Variants in GMDS observed in about 807,000 individuals in gnomAD.
GMDS encodes the protein GDP-mannose 4,6-dehydratase.
A neutral mutation model predicts 49.9 loss-of-function variants in GMDS; 20 were observed. The observed-to-expected ratio is 0.40, with a 90% confidence interval of 0.28 to 0.58. GMDS has a LOEUF of 0.58. Ranked by LOEUF, GMDS falls within the 20% of genes least tolerant of loss-of-function variation. The pLI is 0.42. For missense variants in GMDS, 362 were observed against 481.4 expected, an observed-to-expected ratio of 0.75 and a Z score of 2.32; for synonymous variants, 177 against 178.6, an observed-to-expected ratio of 0.99 and a Z score of 0.07.
intron 1 of GMDS, among the ~76,000 whole-genome samples, chr6:2,181,240 G>GTA (rs1173779187): frequency 1.3e-5 from 2 of 150,596 alleles, no homozygotes; most frequent in East Asian, 3.9e-4. Flanking sequence ...CATTAAAAAG[G>GTA]TACACAGCAG....
At chr6:1,782,025 G>A (rs1408349191) in intron 7 of GMDS, among the ~76,000 whole-genome samples, 2 of 152,180 alleles carry the variant, frequency 1.3e-5, no homozygotes, top group Non-Finnish European at 2.9e-5. Flanking sequence ...GGATCAAAAG[G>A]ATCTGAGAGT....
At chr6:1,917,498 T>C (rs1361681060) in intron 7 of GMDS, among the ~76,000 whole-genome samples, 2 of 152,248 alleles carry the variant, frequency 1.3e-5, no homozygotes. Flanking sequence ...ACTACAGGAA[T>C]AGAATAGGAC....
At chr6:1,630,217 T>G (rs1762957529) in intron 9 of GMDS, among the ~76,000 whole-genome samples, 2 of 152,212 alleles carry the variant, frequency 1.3e-5, no homozygotes, top group African/African-American at 4.8e-5. Flanking sequence ...TAAACAAAGT[T>G]TTAAAACATA....
intron 4 of GMDS, among the ~76,000 whole-genome samples, chr6:1,990,561 C>T (rs1561952227): frequency 6.6e-6 from 1 of 152,108 alleles, no homozygotes; most frequent in Non-Finnish European, 1.5e-5. Flanking sequence ...ATGTCAACCC[C>T]TTATCAATTG....
intron 9 of GMDS, among the ~76,000 whole-genome samples, chr6:1,687,783 G>C (rs1369893018): frequency 6.6e-6 from 1 of 152,000 alleles, no homozygotes; most frequent in Admixed American, 6.6e-5. Flanking sequence ...GGAGGAGCAG[G>C]TGTCAGTGCC....
At chr6:1,970,721 C>T (rs1299145838) in intron 4 of GMDS, among the ~76,000 whole-genome samples, 1 of 151,986 alleles carries the variant, frequency 6.6e-6, no homozygotes, top group African/African-American at 2.4e-5. Context: ...GATAGAGATC[C>T]AAAGGAGGGA....
chr6:1,909,423 C>CCTAT (rs1160823219), intron 7 of GMDS, among the ~76,000 whole-genome samples: 2 of 152,202 alleles, frequency 1.3e-5, no homozygotes, highest in Non-Finnish European at 2.9e-5. Flanking sequence ...TTTGGTTAAT[C>CCTAT]CTATGTCAAC....
At chr6:2,007,563 CTTTTTTT>C (rs147231232) in intron 4 of GMDS, among the ~76,000 whole-genome samples, 3 of 148,252 alleles carry the variant, frequency 2.0e-5, no homozygotes, top group African/African-American at 7.4e-5. Flanking sequence ...TTTCTTTTTT[CTTTTTTT>C]TTTAGTTTAT....
At chr6:2,199,101 T>A (rs234947) in intron 1 of GMDS, among the ~76,000 whole-genome samples, 6,282 of 152,336 alleles carry the variant, frequency 0.041, 263 homozygotes, top group South Asian at 0.13. Flanking sequence ...TAATTCATAT[T>A]AAAAACTTCA....
chr6:1,962,183 G>A (rs1763984006), intron 4 of GMDS, among the ~76,000 whole-genome samples: 2 of 152,218 alleles, frequency 1.3e-5, no homozygotes, highest in South Asian at 4.1e-4. Flanking sequence ...TCTAAGCCCA[G>A]AACATTTTCA....
chr6:1,948,740 C>T (rs1763202468), intron 6 of GMDS, among the ~76,000 whole-genome samples: 1 of 152,188 alleles, frequency 6.6e-6, no homozygotes, highest in South Asian at 2.1e-4. Context: ...ATCCATAAGC[C>T]TTTCATTCAT....
At chr6:2,221,756 A>G (rs1048323837) in intron 1 of GMDS, among the ~76,000 whole-genome samples, 5 of 152,228 alleles carry the variant, frequency 3.3e-5, no homozygotes, top group Non-Finnish European at 5.9e-5. Flanking sequence ...TAATGAGAAT[A>G]TCATATTCAC....
chr6:1,654,107 TAA>T (rs773600235), intron 9 of GMDS, among the ~76,000 whole-genome samples: 39 of 152,220 alleles, frequency 2.6e-4, no homozygotes, highest in Non-Finnish European at 3.4e-4. Flanking sequence ...CAGAAAATAA[TAA>T]GTATTGGGGA....
rs574008504 is a variant in GMDS at position 1,970,411 on chromosome 6, T to TCCCCCG, written c.346-9451_346-9446dup. ...GCAGCTGGGGCCAGATGCAGATCTT[T>TCCCCCG]CCCCCGCCCCCGCCCCGCTCCAGAG... is the stretch of plus-strand genomic sequence containing the variant. On this transcript the variant is annotated intron_variant, in intron 4 of 10. Transcript: ENST00000380815. Among the ~76,000 whole-genome samples, 1,432 of 152,136 alleles carry TCCCCCG rather than the reference T, an allele frequency of 9.4e-3. 12 individuals are homozygous for TCCCCCG. The highest frequency in any genetic ancestry group is 0.013 in the Non-Finnish European group (915 of 67,988).
chr6:2,050,554 A>G (rs1442190823), intron 4 of GMDS, among the ~76,000 whole-genome samples: 1 of 152,218 alleles, frequency 6.6e-6, no homozygotes, highest in Non-Finnish European at 1.5e-5. Flanking sequence ...CTAATACCAA[A>G]GCATAGCAGA....
intron 7 of GMDS, among the ~76,000 whole-genome samples, chr6:1,829,808 T>C (rs1771277791): frequency 6.6e-6 from 1 of 152,198 alleles, no homozygotes; most frequent in Non-Finnish European, 1.5e-5. Context: ...CATCAAATAT[T>C]CCAAGCCACT....
intron 4 of GMDS, among the ~76,000 whole-genome samples, chr6:2,011,203 C>G (rs527297919): frequency 6.6e-6 from 1 of 152,152 alleles, no homozygotes; most frequent in African/African-American, 2.4e-5. Flanking sequence ...AAAAAATGAT[C>G]ACAACATCTC....
chr6:1,650,021 C>T (rs997638725), intron 9 of GMDS, among the ~76,000 whole-genome samples: 7 of 152,254 alleles, frequency 4.6e-5, no homozygotes, highest in South Asian at 2.1e-4. Flanking sequence ...ATGATCTTGC[C>T]GTCTGACCTT....
intron 9 of GMDS, among the ~76,000 whole-genome samples, chr6:1,677,952 A>G (rs866839466): frequency 4.6e-5 from 7 of 152,326 alleles, no homozygotes; most frequent in African/African-American, 1.7e-4. Flanking sequence ...TAATAAAAAA[A>G]TAAATAAAAA....
Sources: gnomAD v4.1 joint callset for allele counts (sites outside exome capture counted in the v4.1 genomes callset) on GRCh38, gnomAD v4.1.1 for gene constraint, MANE v1.5 for transcripts, NCBI Gene and HGNC (gene_info 2026-07-23, HGNC 2026-07-21) for gene names.